DNAI1: variants seen among roughly 807,000 people sequenced by gnomAD.
The protein encoded by DNAI1 is dynein, axonemal, intermediate polypeptide 1.
Under a neutral mutation model 92.0 loss-of-function variants are expected in DNAI1, and 67 were observed. That is an observed-to-expected ratio of 0.73 (90% CI 0.60 to 0.89). DNAI1 has a LOEUF of 0.89. Among genes scored for constraint, DNAI1 ranks in the 40% least tolerant of loss-of-function variants. The pLI, the probability that DNAI1 is intolerant of heterozygous loss-of-function variation, is 0.00. For synonymous variants in DNAI1, 323 were observed against 319.6 expected, an observed-to-expected ratio of 1.01 and a Z score of -0.11; for missense variants, 839 against 866.6, an observed-to-expected ratio of 0.97 and a Z score of 0.40.
At chr9:34,496,134 C>CG (rs1824720677) in intron 9 of DNAI1, among the ~76,000 whole-genome samples, 1 of 152,168 alleles carries the variant, frequency 6.6e-6, no homozygotes, top group Admixed American at 6.5e-5. Context: ...CCATCCGCCC[C>CG]CACTTACCAG....
At chr9:34,485,642 T>C (rs1564031641) in intron 4 of DNAI1, 125 bp downstream of exon 4, 1 of 910,734 alleles carries the variant, frequency 1.1e-6, no homozygotes, top group Non-Finnish European at 1.8e-6. Context: ...GGTCCTTGGC[T>C]AGAATCCTCA....
rs1021019526 is a variant in DNAI1, at chr9:34,494,346, A to G, written c.816+1018A>G. Among the ~76,000 whole-genome samples the G allele has an allele frequency of 4.6e-5, 7 of 152,252 alleles. No homozygotes were observed. The East Asian group carries it at 5.8e-4, about 13-fold the overall frequency. ...CCTTGGCTTTATAGGAACTGTCCCA[A>G]TGCTGTTTTATTCAGTCACTGACCA... On this transcript the variant is annotated intron_variant, in intron 9 of 19. Coordinates refer to ENST00000242317, the MANE Select transcript of DNAI1 (RefSeq NM_012144.4).
intron 1 of DNAI1, among the ~76,000 whole-genome samples, chr9:34,459,436 T>G (rs1026771018): frequency 1.4e-5 from 2 of 148,016 alleles, no homozygotes; most frequent in Non-Finnish European, 3.0e-5. Context: ...CTTTTTCTTT[T>G]TCTTTCTTTC....
chr9:34,506,590 G>T, intron 12 of DNAI1, 37 bp from the exon 13 acceptor site: 1 of 1,613,714 alleles, frequency 6.2e-7, no homozygotes, highest in Non-Finnish European at 8.5e-7. Context: ...AGGGCAGTTG[G>T]ATCCTCCAAC....
intron 1 of DNAI1, among the ~76,000 whole-genome samples, chr9:34,461,613 G>A (rs556545474): frequency 3.7e-4 from 56 of 152,348 alleles, no homozygotes; most frequent in African/African-American, 1.1e-3. Flanking sequence ...TGAGAGCAGG[G>A]AGAGGTGACA....
intron 1 of DNAI1, among the ~76,000 whole-genome samples, chr9:34,466,850 C>CTGT (rs1409701009): frequency 2.6e-5 from 4 of 152,198 alleles, no homozygotes; most frequent in African/African-American, 9.7e-5. Context: ...TAATTTTAGT[C>CTGT]TGTTTCCAGC....
intron 8 of DNAI1, among the ~76,000 whole-genome samples, chr9:34,492,508 A>C (rs1219520995): frequency 8.1e-5 from 5 of 62,066 alleles, no homozygotes; most frequent in African/African-American, 2.2e-4. Flanking sequence ...ATATATATAT[A>C]TATATATATA....
intron 9 of DNAI1, 32 bp from the exon 10 acceptor site, chr9:34,497,083 T>G: frequency 6.4e-7 from 1 of 1,572,332 alleles, no homozygotes; most frequent in Non-Finnish European, 8.8e-7. Flanking sequence ...AGTGCTGGTT[T>G]ATGAGGACCT....
chr9:34,492,112 C>G (rs1422743381), intron 8 of DNAI1, among the ~76,000 whole-genome samples: 1 of 152,160 alleles, frequency 6.6e-6, no homozygotes, highest in Non-Finnish European at 1.5e-5. Flanking sequence ...TTCTTTCTCT[C>G]TAAAGAGAGG....
At chr9:34,490,947 C>T (rs1824579143) in intron 7 of DNAI1, among the ~76,000 whole-genome samples, 1 of 152,204 alleles carries the variant, frequency 6.6e-6, no homozygotes, top group South Asian at 2.1e-4. Flanking sequence ...GAGAGACTCA[C>T]ACGTAAGGGG....
At chr9:34,498,565 C>T (rs142001974) in intron 10 of DNAI1, among the ~76,000 whole-genome samples, 63 of 152,330 alleles carry the variant, frequency 4.1e-4, no homozygotes, top group African/African-American at 1.4e-3. Flanking sequence ...ATGCTTAAAT[C>T]CTGGGGGCCT....
chr9:34,462,982 A>G (rs78369356), intron 1 of DNAI1, among the ~76,000 whole-genome samples: 3,362 of 152,318 alleles, frequency 0.022, 97 homozygotes, highest in East Asian at 0.12. Context: ...TAAAATATAT[A>G]GTATATTAGA....
intron 19 of DNAI1, among the ~76,000 whole-genome samples, chr9:34,519,629 G>A (rs941840524): frequency 2.0e-5 from 3 of 152,128 alleles, no homozygotes; most frequent in African/African-American, 7.2e-5. Flanking sequence ...CACAGCAGGG[G>A]GAAATCTGAG....
At chr9:34,507,945 C>T (rs1215174769) in intron 13 of DNAI1, among the ~76,000 whole-genome samples, 1 of 152,204 alleles carries the variant, frequency 6.6e-6, no homozygotes, top group Non-Finnish European at 1.5e-5. Flanking sequence ...CCATCATATT[C>T]CACTGGGCGT....
intron 1 of DNAI1, among the ~76,000 whole-genome samples, chr9:34,470,719 A>G (rs1478118457): frequency 6.6e-6 from 1 of 152,250 alleles, no homozygotes. Context: ...CTGTTAACCA[A>G]CTTGACCTAA....
intron 12 of DNAI1, among the ~76,000 whole-genome samples, chr9:34,503,244 A>G (rs2132074190): frequency 6.6e-6 from 1 of 152,304 alleles, no homozygotes; most frequent in East Asian, 1.9e-4. Flanking sequence ...AGACTCAGGA[A>G]GGCCCCTGCA....
At chr9:34,462,441 G>A (rs1186690363) in intron 1 of DNAI1, among the ~76,000 whole-genome samples, 2 of 152,142 alleles carry the variant, frequency 1.3e-5, no homozygotes, top group African/African-American at 4.8e-5. Flanking sequence ...AGGATAGGGT[G>A]ATATCCCCTC....
chr9:34,478,048 G>A (rs754156269), intron 1 of DNAI1, among the ~76,000 whole-genome samples: 12 of 150,234 alleles, frequency 8.0e-5, no homozygotes, highest in Non-Finnish European at 1.0e-4. Context: ...CACCATACCC[G>A]GCTAATTTTT....
chr9:34,499,692 G>A (rs893374929), intron 10 of DNAI1, among the ~76,000 whole-genome samples: 1 of 152,228 alleles, frequency 6.6e-6, no homozygotes, highest in African/African-American at 2.4e-5. Context: ...GTGAGTAGGA[G>A]TTTGCCAGGA....
Sources: gnomAD v4.1 joint callset for allele counts (sites outside exome capture counted in the v4.1 genomes callset) on GRCh38, gnomAD v4.1.1 for gene constraint, MANE v1.5 for transcripts, NCBI Gene and HGNC (gene_info 2026-07-23, HGNC 2026-07-21) for gene names.